CDS2: variants seen among roughly 807,000 people sequenced by gnomAD.
CDS2 encodes CDP-diacylglycerol synthase 2.
A neutral mutation model predicts 59.0 loss-of-function variants in CDS2; 47 were observed. The ratio of observed to expected loss-of-function variants is 0.80; its 90% confidence interval spans 0.63 to 1.02. CDS2 has a LOEUF of 1.02. Among genes scored for constraint, CDS2 ranks in the 50% least tolerant of loss-of-function variants. The pLI is 0.00. For missense variants in CDS2, 356 were observed against 558.9 expected (o/e 0.64, Z 3.66); for synonymous variants, 207 against 206.4 (o/e 1.00, Z -0.02).
chr20:5,182,836 C>T (rs983541367), intron 6 of CDS2, among the ~76,000 whole-genome samples: 9 of 152,296 alleles, frequency 5.9e-5, no homozygotes, highest in African/African-American at 1.7e-4. Flanking sequence ...ATGAAAAATA[C>T]CCAGGCTTTC....
chr20:5,149,082 C>T lies in CDS2; in HGVS notation c.57+21933C>T, dbSNP rs146330578. Reference sequence around the variant, plus strand: ...CTGGAGTGCAGTGGCACGATCATGGCTCACTATAGCCCTGACCTCCTGGGC... The same window carrying T: ...CTGGAGTGCAGTGGCACGATCATGGTTCACTATAGCCCTGACCTCCTGGGC... On this transcript the variant is annotated intron_variant, in intron 1 of 12. Transcript: ENST00000460006. Among the ~76,000 whole-genome samples, 77 of 152,130 alleles carry T rather than the reference C, an allele frequency of 5.1e-4. 1 individual carries two copies. Among genetic ancestry groups the T allele is most frequent in the African/African-American group, 1.7e-3 (70 of 41,508 alleles).
Position 5,159,300 on chromosome 20 carries a change from A to G in CDS2, c.58-14223A>G, listed in dbSNP as rs956931680. Among the ~76,000 whole-genome samples, 31 of 146,618 alleles carry G rather than the reference A, an allele frequency of 2.1e-4. 1 individual carries two copies. The highest frequency in any genetic ancestry group is 7.8e-4 in the African/African-American group (31 of 39,738). ...CATTAACTCGTCATTTACATTAGGTATTTCTCCTAATGCTTTCCCTCCCCC... is the reference window on the plus strand; with the variant it reads ...CATTAACTCGTCATTTACATTAGGTGTTTCTCCTAATGCTTTCCCTCCCCC... On this transcript the variant is annotated intron_variant, in intron 1 of 12. Transcript: ENST00000460006.
chr20:5,130,811 G>T (rs7263689), intron 1 of CDS2, among the ~76,000 whole-genome samples: 12,223 of 151,266 alleles, frequency 0.081, 1,328 homozygotes, highest in African/African-American at 0.25. Flanking sequence ...AGCTCTGGAG[G>T]CTGGGCGTGG....
intron 1 of CDS2, among the ~76,000 whole-genome samples, chr20:5,158,370 C>A (rs1400725040): frequency 1.3e-5 from 2 of 152,056 alleles, no homozygotes; most frequent in Non-Finnish European, 2.9e-5. Flanking sequence ...CGGGGTTTCA[C>A]CATGTTGTCC....
At position 5,127,158 on chromosome 20, in the gene CDS2, A is replaced by G; in HGVS notation, c.57+9A>G. ...CGCCACCCGAGGACAAGGTAGCGGC[A>G]GCGTCGGGGTGGGCGCGGCCGGGAC... On this transcript the variant is annotated intron_variant, in intron 1 of 12. Transcript: ENST00000460006. The G allele has an allele frequency of 6.7e-7, 1 of 1,488,368 alleles. No individual in the cohort carries two copies. Among genetic ancestry groups the G allele is most frequent in the Non-Finnish European group, 8.9e-7 (1 of 1,117,472 alleles). 92.2% of individuals were successfully genotyped at this position (1,488,368 alleles called of 1,614,324 possible).
At chr20:5,153,976 ATGATGACTGTGCACAGCT>A (rs1303650011) in intron 1 of CDS2, among the ~76,000 whole-genome samples, 1 of 152,194 alleles carries the variant, frequency 6.6e-6, no homozygotes. Context: ...GGTATGACAA[ATGATGACTGTGCACAGCT>A]TCCCACCTTC....
rs188199047 is a variant in CDS2, at chr20:5,133,768, T to G, written c.57+6619T>G. ...TCGAACTCCTGACCTCAGGTGATAC[T>G]CCCGCCTTGGCCTACCAAAGTGATG... On this transcript the variant is annotated intron_variant, in intron 1 of 12. Coordinates refer to ENST00000460006, the MANE Select transcript of CDS2 (RefSeq NM_003818.4). Among the ~76,000 whole-genome samples the G allele has an allele frequency of 3.0e-3, 460 of 152,254 alleles. 2 individuals carry two copies. The highest frequency in any genetic ancestry group is 0.011 in the African/African-American group (439 of 41,558).
chr20:5,159,918 A>T (rs1413283822), intron 1 of CDS2, among the ~76,000 whole-genome samples: 3 of 152,264 alleles, frequency 2.0e-5, no homozygotes, highest in East Asian at 1.9e-4. Flanking sequence ...ACACATTTTT[A>T]AAAATGAAGT....
At chr20:5,188,081 T>TGTGTGTGTG in intron 10 of CDS2, among the ~76,000 whole-genome samples, 1 of 151,658 alleles carries the variant, frequency 6.6e-6, no homozygotes, top group African/African-American at 2.4e-5. Flanking sequence ...TGTGTGTGTG[T>TGTGTGTGTG]TGATCACATG....
At position 5,197,552 on chromosome 20, in the gene CDS2, A is replaced by T. The variant is rs1426890380; in HGVS notation, c.*7318A>T. 6.6e-6 allele frequency: 1 copy of T among 151,234 alleles called. No homozygotes were observed. Among genetic ancestry groups the T allele is most frequent in the East Asian group, 2.0e-4 (1 of 5,106 alleles). 9.4% of individuals were successfully genotyped at this position (151,234 alleles called of 1,614,324 possible). A position where few individuals can be genotyped will look rare whatever the true frequency, so the allele number is the denominator to read the frequency against. ...GGACATGATGGAATTCAGTTGTCTC[A>T]CCCTGATAGCCTGGGTGTTGATATT... On this transcript the variant is annotated 3_prime_UTR_variant, in exon 13 of 13. Transcript: ENST00000460006.
intron 12 of CDS2, 46 bp downstream of exon 12, chr20:5,189,884 C>G: frequency 1.4e-6 from 2 of 1,480,330 alleles, no homozygotes; most frequent in Admixed American, 1.8e-5. Context: ...TTTTTAAGTA[C>G]GGTGCAATTC....
At chr20:5,169,680 A>G (rs1286405249) in intron 1 of CDS2, among the ~76,000 whole-genome samples, 1 of 152,214 alleles carries the variant, frequency 6.6e-6, no homozygotes, top group Non-Finnish European at 1.5e-5. Flanking sequence ...TACATGGGAA[A>G]GAAAAGAAGA....
At chr20:5,179,307 A>G (rs537004008) in intron 5 of CDS2, among the ~76,000 whole-genome samples, 1 of 152,286 alleles carries the variant, frequency 6.6e-6, no homozygotes, top group South Asian at 2.1e-4. Flanking sequence ...TTTTTAGTAG[A>G]GACCGAGTTT....
At chr20:5,190,035 T>C in intron 12 of CDS2, 67 bp from the exon 13 acceptor site, 1 of 1,581,528 alleles carries the variant, frequency 6.3e-7, no homozygotes, top group South Asian at 1.1e-5. Context: ...GAGCAGCCAC[T>C]CAGATAATCA....
chr20:5,151,293 G>C (rs544918250), intron 1 of CDS2, among the ~76,000 whole-genome samples: 1 of 152,130 alleles, frequency 6.6e-6, no homozygotes, highest in Non-Finnish European at 1.5e-5. Flanking sequence ...AGTGTACCAA[G>C]TTTGGACACA....
At chr20:5,176,389 T>C (rs2090995306) in intron 3 of CDS2, 1 of 389,066 alleles carries the variant, frequency 2.6e-6, no homozygotes, top group Non-Finnish European at 4.8e-6. Context: ...AAACCCTGTC[T>C]TAAAAAAAAA....
chr20:5,175,678 C>G (rs555707315), intron 3 of CDS2: 2 of 173,308 alleles, frequency 1.2e-5, no homozygotes, highest in African/African-American at 4.8e-5. Context: ...CCCAGCTACT[C>G]AGGGGGCTGA....
intron 1 of CDS2, among the ~76,000 whole-genome samples, chr20:5,139,364 A>G (rs1036992624): frequency 3.3e-5 from 5 of 152,216 alleles, no homozygotes; most frequent in African/African-American, 7.2e-5. Flanking sequence ...CTCTGTATCA[A>G]AAACAAACAA....
In CDS2 at chr20:5,190,095, G is replaced by A. The variant is rs2091101580; in HGVS notation, c.1206-7G>A. The A allele has an allele frequency of 6.2e-7, 1 of 1,613,656 alleles. No homozygotes were observed. The highest frequency in any genetic ancestry group is 1.3e-5 in the African/African-American group (1 of 74,892). On this transcript the variant is annotated splice_polypyrimidine_tract_variant and splice_region_variant and intron_variant, in intron 12 of 12. Coordinates refer to ENST00000460006, the MANE Select transcript of CDS2 (RefSeq NM_003818.4). Reference sequence around the variant, plus strand: ...GCTCAGTGCTGTTTCTTCACATTCTGTTCCAGAGGCCCTAACCCAAGCAAA... The same window carrying A: ...GCTCAGTGCTGTTTCTTCACATTCTATTCCAGAGGCCCTAACCCAAGCAAA...
Sources: allele counts gnomAD v4.1 joint callset (sites outside exome capture counted in the v4.1 genomes callset), GRCh38; gene constraint gnomAD v4.1.1; transcripts MANE v1.5; gene names NCBI Gene and HGNC (gene_info 2026-07-23, HGNC 2026-07-21).